PAM: variants seen among roughly 807,000 people sequenced by gnomAD.
The protein encoded by PAM is peptidylglycine alpha-amidating monooxygenase, also known as peptidyl-glycine alpha-amidating monooxygenase.
PAM carries 72 observed loss-of-function variants against 122.1 expected under a neutral mutation model. The observed-to-expected ratio is 0.59, with a 90% CI of 0.49 to 0.72. The LOEUF is 0.72. PAM is among the 30% of genes least tolerant of loss of function. The pLI is 0.00. For synonymous variants in PAM, 389 were observed against 404.4 expected (o/e 0.96, Z 0.46); for missense variants, 1,106 against 1,183.7 (o/e 0.93, Z 0.96).
chr5:102,769,733 C>T (rs932579561), intron 1 of PAM, among the ~76,000 whole-genome samples: 1 of 152,104 alleles, frequency 6.6e-6, no homozygotes, highest in Non-Finnish European at 1.5e-5. Flanking sequence ...ATGCCAGTAC[C>T]ATGCTGCTTT....
intron 7 of PAM, among the ~76,000 whole-genome samples, chr5:102,946,014 TATGCAAAACTA>T (rs1308913319): frequency 6.6e-6 from 1 of 152,026 alleles, no homozygotes; most frequent in Non-Finnish European, 1.5e-5. Context: ...ATCAGGGAAA[TATGCAAAACTA>T]GCTGAAGTTT....
intron 15 of PAM, among the ~76,000 whole-genome samples, chr5:102,981,444 C>T (rs889385316): frequency 6.6e-6 from 1 of 152,176 alleles, no homozygotes; most frequent in Non-Finnish European, 1.5e-5. Context: ...ATAGTATCTT[C>T]AGCATTCTGC....
Position 102,950,734 on chromosome 5 carries a change from G to T in PAM, c.819G>T (p.Gly273=), listed in dbSNP as rs751085326. 1.0e-5 allele frequency: 16 copies of T among 1,607,310 alleles called. No homozygotes were observed. The highest frequency in any genetic ancestry group is 1.7e-5 in the Admixed American group (1 of 59,874). The change falls in exon 12 of 26, where the codon GGG becomes GGT. Residue 273 remains glycine, a synonymous_variant. Transcript: ENST00000438793. Reference sequence around the variant, plus strand: ...TTTGGTAGGCTTTCTACCCTGTGGGGCATCCAGTTGATGTAAGTTTTGGTG... The same window carrying T: ...TTTGGTAGGCTTTCTACCCTGTGGGTCATCCAGTTGATGTAAGTTTTGGTG... ...PQLPQAFYPV[G]HPVDVSFGDL... is the part of the protein sequence containing the mutation.
chr5:102,899,995 C>A (rs1000771783), intron 3 of PAM, among the ~76,000 whole-genome samples: 1 of 151,446 alleles, frequency 6.6e-6, no homozygotes, highest in Non-Finnish European at 1.5e-5. Flanking sequence ...GCGGTTATCT[C>A]CCTGAATGTA....
At chr5:102,818,024 C>CCA (rs1770498517) in intron 1 of PAM, among the ~76,000 whole-genome samples, 1 of 55,464 alleles carries the variant, frequency 1.8e-5, no homozygotes, top group African/African-American at 6.2e-5. Context: ...TTTTTTTTCT[C>CCA]AAAAAAAAAA....
In PAM at chr5:102,958,262, A is replaced by C. The variant is rs575765257; in HGVS notation, c.906-1613A>C. 2.0e-5 allele frequency among the ~76,000 whole-genome samples: 3 copies of C among 152,278 alleles called. No individual in the cohort carries two copies. In the South Asian group the frequency reaches 6.2e-4, roughly 32 times the overall value. On this transcript the variant is annotated intron_variant, in intron 12 of 25. Coordinates refer to ENST00000438793, the MANE Select transcript of PAM (RefSeq NM_001177306.2). ...ATGAATTTAAAATGTTTTTCCTTTC[A>C]TTAATTTGAGATGCTTAAATGATTA...
chr5:102,772,103 T>G (rs1488092579), intron 1 of PAM, among the ~76,000 whole-genome samples: 1 of 152,128 alleles, frequency 6.6e-6, no homozygotes, highest in East Asian at 1.9e-4. Context: ...AGCTTTATCC[T>G]TTTTGAAACA....
intron 22 of PAM, among the ~76,000 whole-genome samples, chr5:103,018,618 G>T (rs1782683125): frequency 6.6e-6 from 1 of 152,130 alleles, no homozygotes; most frequent in Non-Finnish European, 1.5e-5. Context: ...ATAAGGCAAA[G>T]ATAGATGGAT....
chr5:102,987,108 G>A (rs1216559716), intron 15 of PAM, among the ~76,000 whole-genome samples: 1 of 152,108 alleles, frequency 6.6e-6, no homozygotes, highest in Non-Finnish European at 1.5e-5. Flanking sequence ...CATGTTTACT[G>A]CAATACTATT....
chr5:102,785,120 A>G (rs1299086057), intron 1 of PAM, among the ~76,000 whole-genome samples: 1 of 152,234 alleles, frequency 6.6e-6, no homozygotes, highest in African/African-American at 2.4e-5. Context: ...GGTTTGTTAC[A>G]TAGGTATCCC....
intron 14 of PAM, among the ~76,000 whole-genome samples, chr5:102,969,089 G>A (rs1026965989): frequency 2.6e-5 from 4 of 152,048 alleles, no homozygotes; most frequent in Admixed American, 2.6e-4. Flanking sequence ...TGCCTGTCGG[G>A]GGGTAGGGGG....
chr5:102,929,695 C>G (rs1050520921), intron 7 of PAM, among the ~76,000 whole-genome samples: 9 of 152,090 alleles, frequency 5.9e-5, no homozygotes, highest in Non-Finnish European at 1.2e-4. Context: ...GGCAAAACAT[C>G]TTCTAAAAGT....
rs569538325 is a variant in PAM, at chr5:102,990,709, C to T, written c.1613+308C>T. Among the ~76,000 whole-genome samples, 26 of 152,284 alleles carry T rather than the reference C, an allele frequency of 1.7e-4. No homozygotes were observed. In the South Asian group the frequency reaches 4.4e-3, roughly 25 times the overall value. ...TCTATAACATTAAAGATAGTTAAGCCAGTACCTTAGTGAAAATGTTCAAGA... is the reference window on the plus strand; with the variant it reads ...TCTATAACATTAAAGATAGTTAAGCTAGTACCTTAGTGAAAATGTTCAAGA... On this transcript the variant is annotated intron_variant, in intron 16 of 25. Transcript: ENST00000438793.
chr5:102,777,569 C>G (rs1757506159), intron 1 of PAM, among the ~76,000 whole-genome samples: 4 of 152,044 alleles, frequency 2.6e-5, no homozygotes, highest in African/African-American at 9.7e-5. Flanking sequence ...GAGAGGGATT[C>G]TACTAGAGAA....
At chr5:102,845,379 G>A (rs564275197) in intron 1 of PAM, among the ~76,000 whole-genome samples, 1 of 152,270 alleles carries the variant, frequency 6.6e-6, no homozygotes, top group African/African-American at 2.4e-5. Flanking sequence ...TTTTGAGTGT[G>A]GAAAGAGAAA....
chr5:102,885,371 C>A (rs1289439349), intron 3 of PAM, among the ~76,000 whole-genome samples: 2 of 151,808 alleles, frequency 1.3e-5, no homozygotes, highest in African/African-American at 4.8e-5. Flanking sequence ...TATTTAGCCT[C>A]CTCATTTTGG....
intron 1 of PAM, among the ~76,000 whole-genome samples, chr5:102,823,837 G>C (rs559373792): frequency 6.6e-6 from 1 of 152,254 alleles, no homozygotes; most frequent in South Asian, 2.1e-4. Flanking sequence ...AGCAGAGTCT[G>C]AACTTGTTAT....
intron 3 of PAM, among the ~76,000 whole-genome samples, chr5:102,884,655 C>A (rs1792380588): frequency 6.6e-6 from 1 of 151,874 alleles, no homozygotes; most frequent in Admixed American, 6.6e-5. Context: ...ATTTCAATAA[C>A]CCTCTTCAAG....
At position 103,019,800 on chromosome 5, in the gene PAM, T is replaced by C. The variant is rs1247997958; in HGVS notation, c.2442T>C (p.His814=). 10 of 1,606,720 alleles carry C rather than the reference T, an allele frequency of 6.2e-6. No individual in the cohort carries two copies. Among genetic ancestry groups the C allele is most frequent in the Non-Finnish European group, 7.7e-6 (9 of 1,173,350 alleles). ...GTTGTGTTGTTACAGAATTGGAACA[T>C]CGATCAGTTAAAAAGGCTGGCATTG... ...WKFTLTEKLE[H]RSVKKAGIEV... Residue 814 remains histidine (H), a synonymous_variant, in exon 23 of 26, where the codon CAT becomes CAC. Coordinates refer to ENST00000438793, the MANE Select transcript of PAM (RefSeq NM_001177306.2).
Sources: gnomAD v4.1 joint callset for allele counts (sites outside exome capture counted in the v4.1 genomes callset) on GRCh38, gnomAD v4.1.1 for gene constraint, MANE v1.5 for transcripts, NCBI Gene and HGNC (gene_info 2026-07-23, HGNC 2026-07-21) for gene names.